The following ELMO1 variants were observed in gnomAD, a reference collection of about 807,000 sequenced individuals.
The protein encoded by ELMO1 is engulfment and cell motility protein 1.
ELMO1 carries 26 observed loss-of-function variants against 98.9 expected under a neutral mutation model. The ratio of observed to expected loss-of-function variants is 0.26; its 90% CI spans 0.19 to 0.36. The LOEUF (loss-of-function observed/expected upper bound fraction) is 0.36, where lower values mean the gene tolerates loss of function less well. Ranked by LOEUF, ELMO1 falls within the 10% of genes least tolerant of loss-of-function variation. ELMO1 has a pLI of 1.00. For synonymous variants in ELMO1, 346 were observed against 346.0 expected (o/e 1.00, Z 0.00); for missense variants, 627 against 935.2 (o/e 0.67, Z 4.30).
chr7:37,211,626 C>G, intron 12 of ELMO1, 109 bp from the exon 13 acceptor site: 2 of 1,393,448 alleles, frequency 1.4e-6, no homozygotes, highest in African/African-American at 1.5e-5. Flanking sequence ...TCACTGCATT[C>G]AGGCAAAAGA....
chr7:37,005,679 C>T (rs1041612584), intron 16 of ELMO1, among the ~76,000 whole-genome samples: 15 of 118,732 alleles, frequency 1.3e-4, no homozygotes, highest in Non-Finnish European at 1.9e-4. Context: ...GTGACAAGAG[C>T]GAGACTCTGT....
chr7:37,359,016 T>C (rs1484637570), intron 1 of ELMO1, among the ~76,000 whole-genome samples: 1 of 152,142 alleles, frequency 6.6e-6, no homozygotes, highest in Non-Finnish European at 1.5e-5. Context: ...CGAACCAGGA[T>C]TATGGCTTCT....
In ELMO1 at chr7:37,105,882, G is replaced by T. The variant is rs145163852; in HGVS notation, c.1192-9155C>A. On this transcript the variant is annotated intron_variant, in intron 14 of 21. Transcript: ENST00000310758. ...TGCCGGGGGCTGAGAAGTGAGAATG[G>T]GGAGCCACTGCTTAGCGGGTATGGG... 5.3e-5 allele frequency among the ~76,000 whole-genome samples: 8 copies of T among 152,284 alleles called. No individual in the cohort carries two copies. In the East Asian group the frequency reaches 1.5e-3, roughly 29 times the overall value.
intron 18 of ELMO1, among the ~76,000 whole-genome samples, chr7:36,886,935 A>G (rs766201031): frequency 2.0e-5 from 3 of 152,184 alleles, no homozygotes; most frequent in Non-Finnish European, 4.4e-5. Context: ...CCTAGAAGAG[A>G]AGCAGTGTGG....
chr7:37,044,199 C>G (rs953218539), intron 15 of ELMO1, among the ~76,000 whole-genome samples: 3 of 152,090 alleles, frequency 2.0e-5, no homozygotes, highest in African/African-American at 7.2e-5. Context: ...TCTGTCACAG[C>G]CAGAGGGTGA....
At chr7:37,318,777 A>G (rs987064900) in intron 2 of ELMO1, among the ~76,000 whole-genome samples, 1 of 152,074 alleles carries the variant, frequency 6.6e-6, no homozygotes, top group Admixed American at 6.6e-5. Flanking sequence ...ATCTACCCCA[A>G]TCAAACATTA....
chr7:37,004,411 G>C (rs901721769), intron 16 of ELMO1, among the ~76,000 whole-genome samples: 2 of 152,162 alleles, frequency 1.3e-5, no homozygotes, highest in Non-Finnish European at 2.9e-5. Context: ...TTAACCTAAA[G>C]TCATCATTAT....
At chr7:37,191,230 T>C (rs989560708) in intron 13 of ELMO1, among the ~76,000 whole-genome samples, 1 of 148,852 alleles carries the variant, frequency 6.7e-6, no homozygotes, top group African/African-American at 2.5e-5. Context: ...TGGAAAGATA[T>C]ACATCAAAAC....
chr7:36,960,965 G>T (rs1255145368), intron 16 of ELMO1, among the ~76,000 whole-genome samples: 2 of 152,140 alleles, frequency 1.3e-5, no homozygotes, highest in East Asian at 3.9e-4. Context: ...CTCTGTACGG[G>T]GGAGCTATTT....
At chr7:37,161,128 T>C (rs1300867859) in intron 13 of ELMO1, among the ~76,000 whole-genome samples, 1 of 152,206 alleles carries the variant, frequency 6.6e-6, no homozygotes, top group Admixed American at 6.5e-5. Flanking sequence ...AGCTGTCGAC[T>C]ATGAGCTTTC....
At chr7:37,115,171 T>G (rs1785502967) in intron 14 of ELMO1, among the ~76,000 whole-genome samples, 1 of 152,144 alleles carries the variant, frequency 6.6e-6, no homozygotes, top group African/African-American at 2.4e-5. Flanking sequence ...TATAACATAT[T>G]TAAACAAGAA....
chr7:36,908,272 G>C (rs568531997), intron 16 of ELMO1, among the ~76,000 whole-genome samples: 2 of 152,248 alleles, frequency 1.3e-5, no homozygotes, highest in Admixed American at 6.5e-5. Flanking sequence ...ACAAATTCTA[G>C]ACCTACTGAT....
intron 1 of ELMO1, among the ~76,000 whole-genome samples, chr7:37,404,108 G>A (rs1803650733): frequency 6.6e-6 from 1 of 151,974 alleles, no homozygotes; most frequent in Non-Finnish European, 1.5e-5. Flanking sequence ...GAGAAAATGA[G>A]GGGTGGGAAA....
chr7:37,014,544 A>C (rs1793786913), intron 15 of ELMO1, among the ~76,000 whole-genome samples: 1 of 152,072 alleles, frequency 6.6e-6, no homozygotes, highest in Non-Finnish European at 1.5e-5. Context: ...TCAGGCTTTT[A>C]AACAGCAGCA....
At chr7:37,244,702 G>A (rs2130709100) in intron 6 of ELMO1, among the ~76,000 whole-genome samples, 1 of 152,320 alleles carries the variant, frequency 6.6e-6, no homozygotes, top group South Asian at 2.1e-4. Flanking sequence ...GCGGGGTGGG[G>A]TACCCATAGG....
chr7:36,934,555 C>G (rs923663902), intron 16 of ELMO1, among the ~76,000 whole-genome samples: 4 of 152,154 alleles, frequency 2.6e-5, no homozygotes. Context: ...AACATTGGGA[C>G]TGTTTCTGCT....
chr7:37,275,437 T>C (rs963148779), intron 4 of ELMO1, among the ~76,000 whole-genome samples: 5 of 152,226 alleles, frequency 3.3e-5, no homozygotes, highest in Non-Finnish European at 7.3e-5. Context: ...CATGATTAAA[T>C]TCTCTGATAA....
chr7:37,315,426 A>C (rs1036420877), intron 3 of ELMO1, among the ~76,000 whole-genome samples: 2 of 152,156 alleles, frequency 1.3e-5, no homozygotes, highest in Non-Finnish European at 2.9e-5. Context: ...TTAAAAAAAA[A>C]CAAAGTCATG....
intron 16 of ELMO1, among the ~76,000 whole-genome samples, chr7:36,958,353 C>T (rs149630962): frequency 6.8e-4 from 104 of 152,282 alleles, no homozygotes; most frequent in African/African-American, 2.4e-3. Context: ...CCTTAACTAA[C>T]AAGAGAGTTC....
Sources: gnomAD v4.1 joint callset for allele counts (sites outside exome capture counted in the v4.1 genomes callset) on GRCh38, gnomAD v4.1.1 for gene constraint, MANE v1.5 for transcripts, NCBI Gene and HGNC (gene_info 2026-07-23, HGNC 2026-07-21) for gene names.